Variants in MACROD2 observed in about 807,000 individuals in gnomAD.
The protein encoded by MACROD2 is mono-ADP ribosylhydrolase 2.
MACROD2 carries 36 observed loss-of-function variants against 70.4 expected under a neutral mutation model. The ratio of observed to expected loss-of-function variants is 0.51; its 90% CI spans 0.39 to 0.68. The LOEUF (loss-of-function observed/expected upper bound fraction) is 0.68. Ranked by LOEUF, MACROD2 falls within the 30% of genes least tolerant of loss-of-function variation. MACROD2 has a pLI of 0.00. For missense variants in MACROD2, 496 were observed against 538.4 expected, an observed-to-expected ratio of 0.92 and a Z score of 0.78; for synonymous variants, 172 against 178.8, an observed-to-expected ratio of 0.96 and a Z score of 0.30.
intron 5 of MACROD2, among the ~76,000 whole-genome samples, chr20:14,885,069 A>G (rs969181320): frequency 3.9e-5 from 6 of 152,288 alleles, no homozygotes; most frequent in Admixed American, 6.5e-5. Flanking sequence ...GCAAACTTCT[A>G]AACTGATTGA....
chr20:14,711,934 T>A (rs2071343822), intron 5 of MACROD2, among the ~76,000 whole-genome samples: 1 of 152,180 alleles, frequency 6.6e-6, no homozygotes, highest in Non-Finnish European at 1.5e-5. Context: ...AGTCAGCTTC[T>A]TAAGTGCTGA....
intron 5 of MACROD2, among the ~76,000 whole-genome samples, chr20:15,024,632 TTGTAATGTTCAAAAACA>T (rs1266276221): frequency 1.3e-5 from 2 of 152,002 alleles, no homozygotes; most frequent in East Asian, 3.9e-4. Context: ...TAAAATAAAT[TTGTAATGTTCAAAAACA>T]TGTTTTTCTC....
intron 5 of MACROD2, among the ~76,000 whole-genome samples, chr20:15,117,887 T>C (rs2076002361): frequency 6.6e-6 from 1 of 152,150 alleles, no homozygotes; most frequent in African/African-American, 2.4e-5. Context: ...TTGCTCTTAT[T>C]TAGCCCCAGA....
chr20:14,410,939 A>G (rs1170257711), intron 3 of MACROD2, among the ~76,000 whole-genome samples: 1 of 152,122 alleles, frequency 6.6e-6, no homozygotes, highest in Non-Finnish European at 1.5e-5. Context: ...TCTAGAATGG[A>G]AAGCCCTACC....
At chr20:14,276,824 G>A (rs902944803) in intron 3 of MACROD2, among the ~76,000 whole-genome samples, 4 of 152,028 alleles carry the variant, frequency 2.6e-5, no homozygotes, top group Non-Finnish European at 2.9e-5. Flanking sequence ...TTCCATTAGT[G>A]CAGGCTAATG....
chr20:15,699,533 GT>G (rs937532384), intron 8 of MACROD2, among the ~76,000 whole-genome samples: 1 of 152,170 alleles, frequency 6.6e-6, no homozygotes, highest in Admixed American at 6.5e-5. Context: ...TTAATGCTCT[GT>G]TTTTGTGCTG....
chr20:14,805,012 T>C (rs2072622172), intron 5 of MACROD2, among the ~76,000 whole-genome samples: 1 of 151,994 alleles, frequency 6.6e-6, no homozygotes, highest in African/African-American at 2.4e-5. Context: ...TTGATGTCTG[T>C]GGAGCTCTAT....
At chr20:14,980,641 G>A (rs2074788406) in intron 5 of MACROD2, among the ~76,000 whole-genome samples, 1 of 152,158 alleles carries the variant, frequency 6.6e-6, no homozygotes, top group Admixed American at 6.5e-5. Flanking sequence ...CAGCATTTAA[G>A]CTCTCATGGT....
intron 5 of MACROD2, among the ~76,000 whole-genome samples, chr20:15,114,229 C>T (rs966633821): frequency 1.3e-5 from 2 of 152,192 alleles, no homozygotes; most frequent in Non-Finnish European, 2.9e-5. Flanking sequence ...TAACCTGACC[C>T]AGAATGAGCA....
chr20:15,313,082 T>C (rs1203679397), intron 6 of MACROD2, among the ~76,000 whole-genome samples: 1 of 152,176 alleles, frequency 6.6e-6, no homozygotes, highest in Non-Finnish European at 1.5e-5. Flanking sequence ...ATATTCTCAG[T>C]TAAGATCAGA....
intron 8 of MACROD2, among the ~76,000 whole-genome samples, chr20:15,604,492 G>T (rs1339744847): frequency 1.3e-5 from 2 of 152,180 alleles, no homozygotes; most frequent in Non-Finnish European, 2.9e-5. Flanking sequence ...GAAGCACAGA[G>T]CTCCTCTATC....
At chr20:15,336,784 C>G (rs538641649) in intron 6 of MACROD2, among the ~76,000 whole-genome samples, 1 of 151,590 alleles carries the variant, frequency 6.6e-6, no homozygotes, top group African/African-American at 2.4e-5. Flanking sequence ...TCCTTTTAAC[C>G]GTAACACTGT....
chr20:15,029,285 T>G (rs914970328), intron 5 of MACROD2, among the ~76,000 whole-genome samples: 1 of 152,216 alleles, frequency 6.6e-6, no homozygotes, highest in Non-Finnish European at 1.5e-5. Context: ...AAATTCTCAT[T>G]CTAATTCAGA....
intron 3 of MACROD2, among the ~76,000 whole-genome samples, chr20:14,143,964 A>C (rs1182115307): frequency 6.6e-6 from 1 of 152,132 alleles, no homozygotes; most frequent in East Asian, 1.9e-4. Flanking sequence ...CAAGCCTCAC[A>C]CTGGGCAAAG....
chr20:14,889,860 G>A (rs2073730837), intron 5 of MACROD2, among the ~76,000 whole-genome samples: 2 of 152,154 alleles, frequency 1.3e-5, no homozygotes, highest in African/African-American at 4.8e-5. Context: ...GATTAAGCTA[G>A]TGAATCTTTT....
intron 6 of MACROD2, among the ~76,000 whole-genome samples, chr20:15,273,026 A>T (rs1270052952): frequency 6.6e-6 from 1 of 152,134 alleles, no homozygotes; most frequent in Non-Finnish European, 1.5e-5. Flanking sequence ...TCTAAAAATT[A>T]AACTTCCCTA....
intron 8 of MACROD2, among the ~76,000 whole-genome samples, chr20:15,591,846 C>T (rs897886781): frequency 1.3e-5 from 2 of 152,136 alleles, no homozygotes; most frequent in Non-Finnish European, 2.9e-5. Flanking sequence ...ACCCTGGCCC[C>T]TTTCTTTTTT....
chr20:14,656,921 G>A (rs1986006113), intron 4 of MACROD2, among the ~76,000 whole-genome samples: 1 of 152,080 alleles, frequency 6.6e-6, no homozygotes, highest in Admixed American at 6.6e-5. Flanking sequence ...ACGTACATGA[G>A]TGTCTTCTAG....
chr20:14,438,047 T>G (rs929900866), intron 3 of MACROD2, among the ~76,000 whole-genome samples: 6 of 152,170 alleles, frequency 3.9e-5, no homozygotes, highest in Admixed American at 3.9e-4. Context: ...TTTGGACTTT[T>G]GTTCATCCTA....
Sources: gnomAD v4.1 joint callset for allele counts (sites outside exome capture counted in the v4.1 genomes callset) on GRCh38, gnomAD v4.1.1 for gene constraint, MANE v1.5 for transcripts, NCBI Gene and HGNC (gene_info 2026-07-23, HGNC 2026-07-21) for gene names.